The following RBFOX1 variants were observed in gnomAD, a reference collection of about 807,000 sequenced individuals.
RBFOX1 encodes the protein RNA binding fox-1 homolog 1, also known as RNA binding protein fox-1 homolog 1.
A neutral mutation model predicts 57.7 loss-of-function variants in RBFOX1; 8 were observed. The ratio of observed to expected loss-of-function variants is 0.14; its 90% confidence interval spans 0.08 to 0.25. RBFOX1 has a LOEUF of 0.25. Among genes scored for constraint, RBFOX1 ranks in the 10% least tolerant of loss-of-function variants. The pLI is 1.00. For missense variants in RBFOX1, 611 were observed against 548.5 expected, an observed-to-expected ratio of 1.11 and a Z score of -1.14; for synonymous variants, 326 against 222.4, an observed-to-expected ratio of 1.47 and a Z score of -4.15.
intron 4 of RBFOX1, among the ~76,000 whole-genome samples, chr16:7,439,897 G>C (rs941387629): frequency 1.3e-5 from 2 of 151,486 alleles, no homozygotes; most frequent in African/African-American, 4.8e-5. Context: ...CTTTGTATTA[G>C]CAGTCAAGGC....
chr16:7,082,756 T>G (rs1052764116), intron 4 of RBFOX1, among the ~76,000 whole-genome samples: 5 of 151,956 alleles, frequency 3.3e-5, no homozygotes, highest in Admixed American at 3.3e-4. Flanking sequence ...GGCATTCAAT[T>G]TCTGTAGCAG....
chr16:7,200,652 A>G (rs920159320), intron 4 of RBFOX1, among the ~76,000 whole-genome samples: 3 of 152,210 alleles, frequency 2.0e-5, no homozygotes, highest in Non-Finnish European at 2.9e-5. Flanking sequence ...GTGCTTGGAA[A>G]TAGTTCACTT....
chr16:6,893,111 C>T (rs917788532), intron 3 of RBFOX1, among the ~76,000 whole-genome samples: 3 of 152,154 alleles, frequency 2.0e-5, no homozygotes, highest in African/African-American at 7.2e-5. Flanking sequence ...AGATTCCATT[C>T]ACAGGAGCTC....
intron 3 of RBFOX1, among the ~76,000 whole-genome samples, chr16:5,722,127 C>T (rs1164791925): frequency 6.6e-6 from 1 of 152,150 alleles, no homozygotes; most frequent in African/African-American, 2.4e-5. Flanking sequence ...CCTGTCTTTC[C>T]CACAGTTACA....
At chr16:5,358,584 G>A (rs2065457465) in intron 1 of RBFOX1, among the ~76,000 whole-genome samples, 1 of 152,162 alleles carries the variant, frequency 6.6e-6, no homozygotes, top group South Asian at 2.1e-4. Flanking sequence ...AGCAGTTTGG[G>A]AGGCCAAAGC....
In RBFOX1 at chr16:7,061,211, G is replaced by A. The variant is rs1191461810; in HGVS notation, c.27+9113G>A. 3.9e-5 allele frequency among the ~76,000 whole-genome samples: 6 copies of A among 152,004 alleles called. No homozygotes were observed. The East Asian group carries it at 9.6e-4, about 24-fold the overall frequency. ...GGAACTCAGGCAAATGATCCCCAGG[G>A]GCAGCTTCTCTAGTAAAATAAGAAA... On this transcript the variant is annotated intron_variant, in intron 4 of 15. Transcript: ENST00000550418.
chr16:5,289,834 G>T (rs1157833873), intron 1 of RBFOX1, among the ~76,000 whole-genome samples: 2 of 152,186 alleles, frequency 1.3e-5, no homozygotes. Flanking sequence ...TTCTTCAAAA[G>T]CTTAAACACA....
At chr16:6,583,813 A>T (rs2097569337) in intron 2 of RBFOX1, among the ~76,000 whole-genome samples, 2 of 152,196 alleles carry the variant, frequency 1.3e-5, no homozygotes, top group Non-Finnish European at 2.9e-5. Flanking sequence ...TAAATGTTTC[A>T]TTCCCAGCTT....
chr16:7,071,869 C>G (rs115478243), intron 4 of RBFOX1, among the ~76,000 whole-genome samples: 7 of 152,086 alleles, frequency 4.6e-5, no homozygotes, highest in African/African-American at 1.2e-4. Context: ...CTTTTTACAA[C>G]AGCTCCTAAT....
intron 3 of RBFOX1, among the ~76,000 whole-genome samples, chr16:6,895,434 G>GTT: frequency 2.2e-5 from 2 of 91,666 alleles, no homozygotes; most frequent in South Asian, 8.3e-4. Context: ...GTGTGTGTGT[G>GTT]TGTGTGTGTG....
intron 2 of RBFOX1, among the ~76,000 whole-genome samples, chr16:6,460,217 T>C (rs2094884298): frequency 6.6e-6 from 1 of 152,008 alleles, no homozygotes. Flanking sequence ...TGGTTCTCTC[T>C]CCTTGGCTTG....
chr16:6,403,969 C>T (rs985800261), intron 2 of RBFOX1, among the ~76,000 whole-genome samples: 15 of 152,082 alleles, frequency 9.9e-5, no homozygotes, highest in Non-Finnish European at 1.8e-4. Flanking sequence ...AAAGAGCTCT[C>T]ACCAGAATCC....
In RBFOX1 at chr16:7,479,115, GT is replaced by G. The variant is rs56121631; in HGVS notation, c.28-39019del. Among the ~76,000 whole-genome samples the G allele has an allele frequency of 8.1e-3, 1,166 of 144,374 alleles. 12 individuals carry two copies. The highest frequency in any genetic ancestry group is 0.028 in the African/African-American group (1,087 of 39,454). The allele number at this position is 144,374 out of a possible 152,430, so 94.7% of individuals were successfully genotyped here. Reference sequence around the variant, plus strand: ...GGGAAGTGGATCAAAACCCAGTTTTGTTTTTTTTTTTTTAATTTTAATTTTA... The same window carrying G: ...GGGAAGTGGATCAAAACCCAGTTTTGTTTTTTTTTTTTAATTTTAATTTTA... On this transcript the variant is annotated intron_variant, in intron 4 of 15. Coordinates refer to ENST00000550418, the MANE Select transcript of RBFOX1 (RefSeq NM_018723.4).
chr16:6,562,037 G>T (rs985948736), intron 2 of RBFOX1, among the ~76,000 whole-genome samples: 13 of 152,170 alleles, frequency 8.5e-5, no homozygotes, highest in African/African-American at 2.9e-4. Flanking sequence ...TTAAGGCATG[G>T]AGTTTTCAGC....
intron 3 of RBFOX1, among the ~76,000 whole-genome samples, chr16:5,808,144 G>T (rs1189078062): frequency 6.6e-6 from 1 of 152,150 alleles, no homozygotes; most frequent in Non-Finnish European, 1.5e-5. Context: ...GGATTCCAAA[G>T]AAGTAATTAA....
intron 4 of RBFOX1, among the ~76,000 whole-genome samples, chr16:7,442,305 C>T (rs959409295): frequency 1.3e-5 from 2 of 152,174 alleles, no homozygotes; most frequent in African/African-American, 2.4e-5. Flanking sequence ...TCTGCCTTCT[C>T]CAGCAGCAGT....
chr16:5,891,206 C>CTCTT (rs1041191928), intron 4 of RBFOX1, among the ~76,000 whole-genome samples: 6 of 152,064 alleles, frequency 3.9e-5, no homozygotes, highest in African/African-American at 1.4e-4. Flanking sequence ...CCTCCTCTCT[C>CTCTT]TCGTGCATGT....
intron 1 of RBFOX1, among the ~76,000 whole-genome samples, chr16:6,189,205 A>G (rs1394295391): frequency 6.6e-6 from 1 of 152,212 alleles, no homozygotes; most frequent in Non-Finnish European, 1.5e-5. Context: ...TTCATAGCAA[A>G]TGTTACAACA....
At position 6,100,398 on chromosome 16, in the gene RBFOX1, G is replaced by A. The variant is rs994786148; in HGVS notation, c.-127+80406G>A. ...AGGATGGTCTCGATTTCCTGACCGC[G>A]TGATCCGCCCGCCGCGGCCTCCCAA... On this transcript the variant is annotated intron_variant, in intron 1 of 15. Transcript: ENST00000550418. Among the ~76,000 whole-genome samples, 4 of 152,124 alleles carry A rather than the reference G, an allele frequency of 2.6e-5. No homozygotes were observed. In the East Asian group the frequency reaches 5.8e-4, roughly 22 times the overall value.
Sources: allele counts gnomAD v4.1 joint callset (sites outside exome capture counted in the v4.1 genomes callset), GRCh38; gene constraint gnomAD v4.1.1; transcripts MANE v1.5; gene names NCBI Gene and HGNC (gene_info 2026-07-23, HGNC 2026-07-21).